RARB: variants seen among roughly 807,000 people sequenced by gnomAD.
The protein encoded by RARB is HBV-activated protein.
A neutral mutation model predicts 51.9 loss-of-function variants in RARB; 17 were observed. The ratio of observed to expected loss-of-function variants is 0.33; its 90% CI spans 0.22 to 0.49. RARB has a LOEUF of 0.49. Among genes scored for constraint, RARB ranks in the 20% least tolerant of loss-of-function variants. The pLI is 0.99. For synonymous variants in RARB, 215 were observed against 195.4 expected (o/e 1.10, Z -0.84); for missense variants, 369 against 550.8 (o/e 0.67, Z 3.30).
intron 2 of RARB, among the ~76,000 whole-genome samples, chr3:25,006,543 G>T (rs1387007579): frequency 6.6e-6 from 1 of 152,116 alleles, no homozygotes; most frequent in Non-Finnish European, 1.5e-5. Flanking sequence ...GACAGGTATT[G>T]CACAAGACTT....
At chr3:25,199,693 G>A (rs759025667) in intron 5 of RARB, among the ~76,000 whole-genome samples, 1 of 152,136 alleles carries the variant, frequency 6.6e-6, no homozygotes, top group Non-Finnish European at 1.5e-5. Flanking sequence ...AGAACATGCA[G>A]TGTTTGGTTT....
At chr3:25,180,362 A>T (rs936538464) in intron 5 of RARB, among the ~76,000 whole-genome samples, 3 of 152,228 alleles carry the variant, frequency 2.0e-5, no homozygotes, top group African/African-American at 7.2e-5. Flanking sequence ...GACCTTATAA[A>T]AATTGAACTT....
chr3:25,071,435 C>T (rs766060199), intron 3 of RARB, among the ~76,000 whole-genome samples: 8 of 152,162 alleles, frequency 5.3e-5, no homozygotes, highest in Non-Finnish European at 8.8e-5. Flanking sequence ...CCTCCACACC[C>T]AAACTAACAC....
At chr3:25,316,701 AG>A (rs1692144668) in intron 5 of RARB, among the ~76,000 whole-genome samples, 1 of 152,226 alleles carries the variant, frequency 6.6e-6, no homozygotes, top group Non-Finnish European at 1.5e-5. Context: ...TGACAGTAAA[AG>A]GAAAAGACGT....
intron 2 of RARB, among the ~76,000 whole-genome samples, chr3:25,054,253 T>A (rs1698394418): frequency 6.6e-6 from 1 of 151,992 alleles, no homozygotes; most frequent in African/African-American, 2.4e-5. Context: ...GATGTTTTTT[T>A]GACAGGGAAG....
intron 5 of RARB, among the ~76,000 whole-genome samples, chr3:25,262,435 A>G (rs1434212108): frequency 6.6e-6 from 1 of 152,212 alleles, no homozygotes; most frequent in African/African-American, 2.4e-5. Flanking sequence ...ACAGTTCTGC[A>G]TGTCTGAAAT....
At chr3:24,963,245 G>A (rs1696180083) in intron 2 of RARB, among the ~76,000 whole-genome samples, 1 of 151,856 alleles carries the variant, frequency 6.6e-6, no homozygotes, top group South Asian at 2.1e-4. Flanking sequence ...TTGAAATGGG[G>A]TAAGCTCTGG....
At chr3:24,971,345 T>A (rs1319020775) in intron 2 of RARB, among the ~76,000 whole-genome samples, 2 of 152,002 alleles carry the variant, frequency 1.3e-5, no homozygotes, top group African/African-American at 4.8e-5. Flanking sequence ...ATTGATGTTA[T>A]TTGAAAGAAA....
chr3:25,469,954 G>A (rs1411024346), intron 2 of RARB, among the ~76,000 whole-genome samples: 2 of 152,142 alleles, frequency 1.3e-5, no homozygotes, highest in Non-Finnish European at 2.9e-5. Context: ...AAAGGGGAAC[G>A]TGGAGGAGGG....
chr3:24,955,082 T>G (rs1405669169), intron 2 of RARB, among the ~76,000 whole-genome samples: 1 of 152,074 alleles, frequency 6.6e-6, no homozygotes, highest in Non-Finnish European at 1.5e-5. Context: ...TCAGGACAAA[T>G]TGGGTCGCAT....
rs116377925 is a variant in RARB at position 24,926,111 on chromosome 3, G to A, written c.-380+67359G>A. On this transcript the variant is annotated intron_variant, in intron 2 of 11. Coordinates refer to the RARB transcript ENST00000383772. ...GTCTCTGTCATATTTTTACAATTTC[G>A]TTTTCTTAATCTGCTATGATTTATA... 8.4e-3 allele frequency among the ~76,000 whole-genome samples: 1,272 copies of A among 152,064 alleles called. 17 individuals are homozygous for A. Among genetic ancestry groups the A allele is most frequent in the African/African-American group, 0.029 (1,219 of 41,508 alleles).
intron 1 of RARB, among the ~76,000 whole-genome samples, chr3:25,459,097 A>G (rs770852408): frequency 6.6e-6 from 1 of 152,252 alleles, no homozygotes; most frequent in Non-Finnish European, 1.5e-5. Context: ...ATAAAATTAT[A>G]TACAAACATC....
intron 3 of RARB, among the ~76,000 whole-genome samples, chr3:25,501,529 G>A (rs184441875): frequency 3.5e-4 from 53 of 152,308 alleles, no homozygotes; most frequent in African/African-American, 1.1e-3. Flanking sequence ...GGAGTTAGGC[G>A]TCGTGGATGT....
chr3:25,567,453 A>G (rs1472361705), intron 3 of RARB, among the ~76,000 whole-genome samples: 2 of 152,150 alleles, frequency 1.3e-5, no homozygotes, highest in African/African-American at 4.8e-5. Context: ...TGAAAGCTTC[A>G]TCTGTGTTGT....
intron 2 of RARB, among the ~76,000 whole-genome samples, chr3:25,028,118 G>A (rs1330942092): frequency 1.3e-5 from 2 of 152,138 alleles, no homozygotes; most frequent in Non-Finnish European, 2.9e-5. Context: ...TTCACTTTGT[G>A]TTAGGATTCT....
chr3:24,864,384 C>A (rs752297035), intron 2 of RARB, among the ~76,000 whole-genome samples: 1 of 152,134 alleles, frequency 6.6e-6, no homozygotes, highest in African/African-American at 2.4e-5. Context: ...TGTTGGTAGG[C>A]CTCTGGATAC....
At chr3:25,212,732 A>G (rs186497707) in intron 5 of RARB, among the ~76,000 whole-genome samples, 3 of 145,546 alleles carry the variant, frequency 2.1e-5, no homozygotes, top group East Asian at 4.1e-4. Flanking sequence ...TGCTATTTCC[A>G]TAAATGTGCC....
chr3:25,183,830 T>C (rs75086530), intron 5 of RARB, among the ~76,000 whole-genome samples: 2 of 152,124 alleles, frequency 1.3e-5, no homozygotes, highest in Admixed American at 6.6e-5. Flanking sequence ...ATAACACTTA[T>C]TGTCTTCTCC....
intron 1 of RARB, among the ~76,000 whole-genome samples, chr3:24,837,270 G>A (rs1451170569): frequency 1.3e-5 from 2 of 152,204 alleles, no homozygotes; most frequent in Admixed American, 6.5e-5. Flanking sequence ...GGTGAGTAAA[G>A]TTTAAACAGT....
Sources: allele counts gnomAD v4.1 joint callset (sites outside exome capture counted in the v4.1 genomes callset), GRCh38; gene constraint gnomAD v4.1.1; transcripts MANE v1.5; gene names NCBI Gene and HGNC (gene_info 2026-07-23, HGNC 2026-07-21).